TSC2: variants seen among roughly 807,000 people sequenced by gnomAD.
TSC2 encodes the protein tuberin.
In TSC2, 29 loss-of-function variants were observed where a neutral mutation model predicts 202.2. The ratio of observed to expected loss-of-function variants is 0.14; its 90% CI spans 0.11 to 0.20. The LOEUF is 0.20. Among genes scored for constraint, TSC2 ranks in the 10% least tolerant of loss-of-function variants. TSC2 has a pLI of 1.00. For synonymous variants in TSC2, 1,349 were observed against 1,044.0 expected (o/e 1.29, Z -5.63); for missense variants, 2,429 against 2,420.0 (o/e 1.00, Z -0.08).
rs368926908 is a variant in TSC2 at position 2,081,591 on chromosome 16, G to A, written c.3611-4G>A. On this transcript the variant is annotated splice_region_variant and splice_polypyrimidine_tract_variant and intron_variant, in intron 30 of 41. Coordinates refer to ENST00000219476, the MANE Select transcript of TSC2 (RefSeq NM_000548.5). ...TCAGGCCAAAGGTGCTGCCGCCTCCGCAGGGAACACCAGCTGGCTGATGAG... is the reference window on the plus strand; with the variant it reads ...TCAGGCCAAAGGTGCTGCCGCCTCCACAGGGAACACCAGCTGGCTGATGAG... 166 of 1,612,764 alleles carry A rather than the reference G, an allele frequency of 1.0e-4. No homozygotes were observed. Among genetic ancestry groups the A allele is most frequent in the Non-Finnish European group, 9.7e-5 (115 of 1,180,002 alleles).
chr16:2,070,881 C>G (rs1596338684), intron 17 of TSC2, among the ~76,000 whole-genome samples: 1 of 152,198 alleles, frequency 6.6e-6, no homozygotes, highest in African/African-American at 2.4e-5. Flanking sequence ...GCTGCAGAAT[C>G]TGTGAAGGAC....
intron 4 of TSC2, 157 bp downstream of exon 4, chr16:2,053,609 T>C: frequency 1.3e-6 from 1 of 760,414 alleles, no homozygotes; most frequent in Non-Finnish European, 2.3e-6. Context: ...TGGGGTCTCC[T>C]GGTGTCATGA....
rs397515035 is a variant in TSC2, at chr16:2,084,252, G to A, written c.4030G>A (p.Glu1344Lys). 5.6e-6 allele frequency: 9 copies of A among 1,603,090 alleles called. No homozygotes were observed. The Admixed American group carries it at 8.4e-5, about 15-fold the overall frequency. The part of the protein sequence containing the change: ...SRSSSVSSQE[E>K]KSLHAEELVG... ...GTCGTCCTCAGTCTCCAGCCAGGAG[G>A]AGAAGTCGCTCCACGCGGAGGAGCT... The change falls in exon 34 of 42, where the codon GAG becomes AAG. Residue 1344 changes from glutamate (E) to lysine (K), a missense_variant. By Grantham distance (56) the Glu-to-Lys change is moderately conservative. Transcript: ENST00000219476.
intron 13 of TSC2, 85 bp from the exon 14 acceptor site, chr16:2,062,886 CG>C: frequency 2.1e-6 from 3 of 1,450,114 alleles, no homozygotes; most frequent in Non-Finnish European, 2.8e-6. Context: ...GACCCAGAGT[CG>C]GGCTGGCCTG....
chr16:2,071,310 GGGA>G, intron 17 of TSC2, 197 bp from the exon 18 acceptor site: 1 of 639,238 alleles, frequency 1.6e-6, no homozygotes, highest in Non-Finnish European at 2.8e-6. Flanking sequence ...AGGCAAGGGA[GGGA>G]GGAGGCTGTG....
rs771627218 is a variant in TSC2 at position 2,054,280 on chromosome 16, T to C, written c.337-16T>C. ...ACGCTGGCAGGCTCTGCTGATCCTG[T>C]GGCTTTTGTCTTTAGGGCGAGCGTT... is the stretch of plus-strand genomic sequence containing the variant. On this transcript the variant is annotated splice_polypyrimidine_tract_variant and intron_variant, in intron 4 of 41. Transcript: ENST00000219476. 5.0e-6 allele frequency: 8 copies of C among 1,614,000 alleles called. No individual in the cohort carries two copies. In the East Asian group the frequency reaches 8.9e-5, roughly 18 times the overall value.
At chr16:2,075,525 C>CAAAAAAAAAA (rs933350142) in intron 22 of TSC2, among the ~76,000 whole-genome samples, 10 of 27,304 alleles carry the variant, frequency 3.7e-4, no homozygotes, top group African/African-American at 1.3e-3. Flanking sequence ...AGACTCATCT[C>CAAAAAAAAAA]AAAAAAAAAA....
At position 2,061,001 on chromosome 16, in the gene TSC2, T is replaced by C. The variant is rs111398387; in HGVS notation, c.1119+188T>C. The C allele has an allele frequency of 2.7e-6, 2 of 747,840 alleles. 1 individual carries two copies. Among genetic ancestry groups the C allele is most frequent in the Non-Finnish European group, 4.3e-6 (2 of 460,476 alleles). 46.3% of individuals were successfully genotyped at this position (747,840 alleles called of 1,614,324 possible). ...GAGACAGGTCTGATTTTTCCAGACG[T>C]GGTGCATCGTTTAGGCCCCAGACAG... On this transcript the variant is annotated intron_variant, in intron 11 of 41. Coordinates refer to ENST00000219476, the MANE Select transcript of TSC2 (RefSeq NM_000548.5).
In TSC2 at chr16:2,082,488, G is replaced by A. The variant is rs1008733639; in HGVS notation, c.3867G>A (p.Arg1289=). 6.2e-7 allele frequency: 1 copy of A among 1,611,996 alleles called. No homozygotes were observed. Among genetic ancestry groups the A allele is most frequent in the Non-Finnish European group, 8.5e-7 (1 of 1,180,008 alleles). ...YQSSCQGQLH[R]SVSWADSAVV... is the part of the protein sequence containing the mutation. ...CCAGCTGCCAAGGACAGCTGCACAG[G>A]AGCGTTTCCTGGGCAGGTATCGCCT... The change falls in exon 32 of 42, where the codon AGG becomes AGA. Residue 1289 remains arginine (R), a synonymous_variant. Transcript: ENST00000219476.
At chr16:2,067,807 T>C (rs1380028711) in intron 16 of TSC2, among the ~76,000 whole-genome samples, 1 of 152,172 alleles carries the variant, frequency 6.6e-6, no homozygotes, top group Non-Finnish European at 1.5e-5. Flanking sequence ...ATCACCTCCT[T>C]GGTGTCTCAT....
intron 3 of TSC2, among the ~76,000 whole-genome samples, chr16:2,051,207 C>T (rs1277016568): frequency 1.3e-5 from 2 of 151,744 alleles, no homozygotes; most frequent in East Asian, 3.9e-4. Flanking sequence ...GTAATCCCAG[C>T]TACTTGGGAG....
chr16:2,072,537 C>A, intron 20 of TSC2, 174 bp downstream of exon 20: 1 of 1,035,962 alleles, frequency 9.7e-7, no homozygotes. Context: ...GGGACCCCTG[C>A]CCCAGCTCGC....
At position 2,081,177 on chromosome 16, in the gene TSC2, G is replaced by A. The variant is rs117640634; in HGVS notation, c.3611-418G>A. 2,654 of 324,952 alleles carry A rather than the reference G, an allele frequency of 8.2e-3. 21 individuals are homozygous for A. Among genetic ancestry groups the A allele is most frequent in the Non-Finnish European group, 0.012 (1,939 of 166,534 alleles). The allele number at this position is 324,952 out of a possible 1,614,324, so 20.1% of individuals were successfully genotyped here. A position where few individuals can be genotyped will look rare whatever the true frequency, so the allele number is the denominator to read the frequency against. On this transcript the variant is annotated intron_variant, in intron 30 of 41. Transcript: ENST00000219476. ...GGGACTAAAGCATACCAACATGGGG[G>A]CACAGCTCAGCCTGTTCCCAGGGGC... is the stretch of plus-strand genomic sequence containing the variant.
intron 16 of TSC2, among the ~76,000 whole-genome samples, chr16:2,068,114 A>G (rs1170111643): frequency 6.6e-5 from 10 of 152,116 alleles, no homozygotes; most frequent in Non-Finnish European, 2.9e-5. Flanking sequence ...ATCTCACCTC[A>G]CTGCAACCTC....
intron 3 of TSC2, 64 bp from the exon 4 acceptor site, chr16:2,053,278 C>T: frequency 6.7e-7 from 1 of 1,499,508 alleles, no homozygotes; most frequent in Non-Finnish European, 9.1e-7. Context: ...GGCACTGCTC[C>T]AGTTGCCGGG....
intron 2 of TSC2, among the ~76,000 whole-genome samples, 187 bp from the exon 3 acceptor site, chr16:2,050,213 C>T (rs560889892): frequency 4.6e-5 from 7 of 152,166 alleles, no homozygotes; most frequent in South Asian, 2.1e-4. Flanking sequence ...TGCCTTGGCC[C>T]CCCAAAGTGC....
At position 2,062,980 on chromosome 16, in the gene TSC2, C is replaced by A. The variant is rs1278503244; in HGVS notation, c.1370C>A (p.Ser457Tyr). The A allele has an allele frequency of 7.7e-6, 12 of 1,550,726 alleles. No individual in the cohort carries two copies. Among genetic ancestry groups the A allele is most frequent in the South Asian group, 1.2e-5 (1 of 84,048 alleles). The change falls in exon 14 of 42, where the codon TCC becomes TAC. Residue 457 changes from serine to tyrosine, a missense_variant. Physicochemically the swap from Ser to Tyr is moderately radical, Grantham distance 144. Transcript: ENST00000219476. ...AGGCTGCCGTCCCGCAGGAGCGAGT[C>A]CCGAGGCGCCGTGCGCATCAAGGTG... ...ALMERFFRSE[S>Y]RGAVRIKVLD...
In TSC2 at chr16:2,076,588, A is replaced by G; in HGVS notation, c.2837+3A>G. 1 of 1,612,756 alleles carries G rather than the reference A, an allele frequency of 6.2e-7. No individual in the cohort carries two copies. Among genetic ancestry groups the G allele is most frequent in the Non-Finnish European group, 8.5e-7 (1 of 1,179,894 alleles). On this transcript the variant is annotated splice_donor_region_variant and intron_variant, in intron 25 of 41. Coordinates refer to ENST00000219476, the MANE Select transcript of TSC2 (RefSeq NM_000548.5). ...AGTCTCAACGAGAGACCCAAGAGGT[A>G]CGGCCTGCGGGGGTGTGCCTGGAGT...
At position 2,080,366 on chromosome 16, in the gene TSC2, G is replaced by A. The variant is rs397515225; in HGVS notation, c.3599G>A (p.Arg1200Gln). The A allele has an allele frequency of 3.7e-6, 6 of 1,611,728 alleles. No individual in the cohort carries two copies. The highest frequency in any genetic ancestry group is 1.3e-5 in the African/African-American group (1 of 75,010). ...LTQGWAEILV[R>Q]RPTGNTSWLM... ...CAGGGCTGGGCGGAGATCCTGGTCC[G>A]GAGGCCCACAGGTACTGGGCGGGGC... Residue 1200 changes from arginine to glutamine, a missense_variant, in exon 30 of 42, where the codon CGG (arginine) becomes CAG (glutamine). Physicochemically the swap from Arg to Gln is conservative, Grantham distance 43 (BLOSUM62 1). Transcript: ENST00000219476.
Sources: allele counts gnomAD v4.1 joint callset (sites outside exome capture counted in the v4.1 genomes callset), GRCh38; gene constraint gnomAD v4.1.1; transcripts MANE v1.5; gene names NCBI Gene and HGNC (gene_info 2026-07-23, HGNC 2026-07-21).